Variants in COL4A5 observed in about 807,000 individuals in gnomAD.
COL4A5 encodes the protein collagen type IV alpha 5 chain, also known as collagen alpha-5(IV) chain.
A neutral mutation model predicts 130.2 loss-of-function variants in COL4A5; 26 were observed. The ratio of observed to expected loss-of-function variants is 0.20; its 90% confidence interval spans 0.15 to 0.28. The LOEUF is 0.28. Ranked by LOEUF, COL4A5 falls within the 10% of genes least tolerant of loss-of-function variation. The pLI, the probability that COL4A5 is intolerant of heterozygous loss-of-function variation, is 1.00. For synonymous variants in COL4A5, 496 were observed against 439.6 expected, an observed-to-expected ratio of 1.13 and a Z score of -1.60; for missense variants, 1,131 against 1,344.3, an observed-to-expected ratio of 0.84 and a Z score of 2.48.
chrX:108,460,759 C>T (rs1182177636), intron 1 of COL4A5, among the ~76,000 whole-genome samples: 1 of 100,594 alleles, frequency 9.9e-6, no homozygotes, highest in Non-Finnish European at 2.0e-5. Flanking sequence ...CCGCCTGCCT[C>T]GGCCTCCCAA....
chrX:108,597,581 G>A lies in COL4A5; in HGVS notation c.1779+13G>A. 1.7e-6 allele frequency: 2 copies of A among 1,200,747 alleles called. No homozygotes were observed. The highest frequency in any genetic ancestry group is 2.3e-6 in the Non-Finnish European group (2 of 888,274). On this transcript the variant is annotated intron_variant, in intron 24 of 52. Transcript: ENST00000328300. ...GAAAGGAGAGCCTGTGAGTTGGTTT[G>A]ATATTTTTGGTTTTGTGATGTTAAA...
At chrX:108,591,014 C>T (rs2066423215) in intron 19 of COL4A5, 44 bp from the exon 20 acceptor site, 1 of 1,121,176 alleles carries the variant, frequency 8.9e-7, no homozygotes, top group Non-Finnish European at 1.2e-6. Flanking sequence ...ACTAAAGTAA[C>T]ATCTCTAAGA....
intron 2 of COL4A5, among the ~76,000 whole-genome samples, chrX:108,558,439 G>C (rs745522822): frequency 9.0e-6 from 1 of 110,701 alleles, no homozygotes; most frequent in Non-Finnish European, 1.9e-5. Context: ...GATATGATGG[G>C]TCCTCACTGG....
chrX:108,610,207 C>T (rs2066807721), intron 29 of COL4A5, among the ~76,000 whole-genome samples: 1 of 110,846 alleles, frequency 9.0e-6, no homozygotes, highest in Admixed American at 9.7e-5. Flanking sequence ...GTAAAGCTGA[C>T]TTGCATTTTT....
chrX:108,650,288 G>T (rs1217691642), intron 36 of COL4A5, among the ~76,000 whole-genome samples: 2 of 111,068 alleles, frequency 1.8e-5, no homozygotes, highest in African/African-American at 6.6e-5. Flanking sequence ...TCTTGGTGTG[G>T]ATGCGGTGAT....
chrX:108,620,282 A>G lies in COL4A5; in HGVS notation c.2533A>G (p.Lys845Glu), dbSNP rs992950790. The G allele has an allele frequency of 1.7e-6, 2 of 1,206,882 alleles. No individual in the cohort carries two copies. Among genetic ancestry groups the G allele is most frequent in the African/African-American group, 3.5e-5 (2 of 56,971 alleles). Residue 845 changes from lysine to glutamate, a missense_variant, in exon 31 of 53, where the codon AAG (lysine) becomes GAG (glutamate). Coordinates refer to ENST00000328300, the MANE Select transcript of COL4A5 (RefSeq NM_033380.3). ...QPGLHGIPGE[K>E]GDPGPPGLDV... ...AGGTTTACATGGAATACCAGGAGAG[A>G]AGGGGGATCCAGGACCTCCTGGACT... is the stretch of plus-strand genomic sequence containing the variant.
At chrX:108,682,992 T>C (rs371805716) in intron 47 of COL4A5, among the ~76,000 whole-genome samples, 68 of 112,247 alleles carry the variant, frequency 6.1e-4, no homozygotes, top group African/African-American at 2.0e-3. Flanking sequence ...TGAATGGTAT[T>C]GCCTAGGTTT....
chrX:108,603,273 A>C (rs921104110), intron 28 of COL4A5, among the ~76,000 whole-genome samples: 2 of 109,559 alleles, frequency 1.8e-5, no homozygotes, highest in African/African-American at 3.3e-5. Context: ...AAAAAAAAAA[A>C]AAAACCTAAT....
chrX:108,577,372 C>CAAAAAAAAAAAAA (rs746311921), intron 10 of COL4A5, among the ~76,000 whole-genome samples: 3 of 29,887 alleles, frequency 1.0e-4, no homozygotes, highest in African/African-American at 1.8e-4. Context: ...AACTCCTTCT[C>CAAAAAAAAAAAAA]AAAAAAAAAA....
chrX:108,567,841 G>A (rs752666881), intron 4 of COL4A5, among the ~76,000 whole-genome samples: 10 of 111,345 alleles, frequency 9.0e-5, no homozygotes, highest in East Asian at 2.8e-4. Flanking sequence ...ATCTCCCACC[G>A]GGTCCCTCCC....
chrX:108,694,935 T>A lies in COL4A5; in HGVS notation c.4821+14T>A, dbSNP rs753429694. On this transcript the variant is annotated intron_variant, in intron 51 of 52. Coordinates refer to ENST00000328300, the MANE Select transcript of COL4A5 (RefSeq NM_033380.3). ...TCCTTCATGATGGTATTTTACACTC[T>A]TCCTTGCATTTGTCATCATAGCTGA... 2.8e-5 allele frequency: 30 copies of A among 1,084,651 alleles called. No individual in the cohort carries two copies. The highest frequency in any genetic ancestry group is 5.0e-4 in the Middle Eastern group (2 of 4,007). 89.4% of individuals were successfully genotyped at this position (1,084,651 alleles called of 1,213,427 possible). A position where few individuals can be genotyped will look rare whatever the true frequency, so the allele number is the denominator to read the frequency against.
At chrX:108,489,769 G>A (rs1227695185) in intron 1 of COL4A5, among the ~76,000 whole-genome samples, 1 of 111,543 alleles carries the variant, frequency 9.0e-6, no homozygotes, top group East Asian at 2.8e-4. Flanking sequence ...AGTGAGCAAA[G>A]TGGGAATATT....
At chrX:108,659,039 A>G (rs2067900554) in intron 37 of COL4A5, among the ~76,000 whole-genome samples, 1 of 111,064 alleles carries the variant, frequency 9.0e-6, no homozygotes, top group Non-Finnish European at 1.9e-5. Context: ...AAAAACTTAA[A>G]TTTCCATCTA....
At chrX:108,447,173 A>T (rs2064461904) in intron 1 of COL4A5, among the ~76,000 whole-genome samples, 1 of 111,388 alleles carries the variant, frequency 9.0e-6, no homozygotes, top group African/African-American at 3.3e-5. Flanking sequence ...TTTCAGGCTT[A>T]CACTTAAATG....
intron 1 of COL4A5, among the ~76,000 whole-genome samples, chrX:108,452,478 G>T (rs1310330220): frequency 1.8e-5 from 2 of 111,861 alleles, no homozygotes; most frequent in Non-Finnish European, 3.8e-5. Flanking sequence ...TCTTCCATTT[G>T]TTTGTATCCT....
chrX:108,526,600 CTTTCTTTCTTTCTTTCTTTCTTTCTTTCT>C (rs2065317377), intron 1 of COL4A5, among the ~76,000 whole-genome samples: 6 of 23,303 alleles, frequency 2.6e-4, no homozygotes, highest in African/African-American at 1.2e-3. Context: ...TCCCTCCTTT[CTTTCTTTCTTTCTTTCTTTCTTTCTTTCT>C]TTCTTTCTTT....
At chrX:108,577,901 A>G (rs1223516166) in intron 10 of COL4A5, 51 bp from the exon 11 acceptor site, 1 of 1,003,548 alleles carries the variant, frequency 1.0e-6, no homozygotes, top group African/African-American at 1.9e-5. Context: ...AACTTTTAAA[A>G]TTAACTTATT....
intron 36 of COL4A5, among the ~76,000 whole-genome samples, chrX:108,653,476 G>A (rs2067773377): frequency 9.0e-6 from 1 of 111,250 alleles, no homozygotes; most frequent in African/African-American, 3.3e-5. Flanking sequence ...CAGGTTTCGA[G>A]AGGGATGGAA....
chrX:108,670,216 A>T lies in COL4A5; in HGVS notation c.3791-12A>T. The T allele has an allele frequency of 8.3e-7, 1 of 1,210,131 alleles. No individual in the cohort carries two copies. Among genetic ancestry groups the T allele is most frequent in the Non-Finnish European group, 1.1e-6 (1 of 894,412 alleles). ...TGACATTGGGCCTTGGTGAACTTTG[A>T]TCCCTATCCAGGTCCTACAGGTTAG... On this transcript the variant is annotated splice_polypyrimidine_tract_variant and intron_variant, in intron 41 of 52. Coordinates refer to ENST00000328300, the MANE Select transcript of COL4A5 (RefSeq NM_033380.3).
Sources: allele counts gnomAD v4.1 joint callset (sites outside exome capture counted in the v4.1 genomes callset), GRCh38; gene constraint gnomAD v4.1.1; transcripts MANE v1.5; gene names NCBI Gene and HGNC (gene_info 2026-07-23, HGNC 2026-07-21).